ACYP2: variants seen among roughly 807,000 people sequenced by gnomAD.
The protein encoded by ACYP2 is acylphosphatase 2.
A neutral mutation model predicts 11.2 loss-of-function variants in ACYP2; 12 were observed. That is an observed-to-expected ratio of 1.08 (90% CI 0.69 to 1.74). ACYP2 has a LOEUF of 1.74. Ranked by LOEUF, ACYP2 falls within the 40% of genes most tolerant of loss-of-function variation. The probability of loss-of-function intolerance (pLI) is 0.00; values close to 1 mark genes in which losing one functional copy is unlikely to be tolerated. For missense variants in ACYP2, 134 were observed against 101.9 expected (o/e 1.31, Z -1.35); for synonymous variants, 43 against 32.2 (o/e 1.33, Z -1.13).
At chr2:54,162,132 T>C (rs1682743426) in intron 6 of ACYP2, among the ~76,000 whole-genome samples, 1 of 152,222 alleles carries the variant, frequency 6.6e-6, no homozygotes. Flanking sequence ...TTGTATTTTA[T>C]CTCACAGTAT....
At chr2:53,972,416 C>G (rs982367483) in intron 1 of ACYP2, among the ~76,000 whole-genome samples, 3 of 151,294 alleles carry the variant, frequency 2.0e-5, no homozygotes, top group Admixed American at 6.6e-5. Flanking sequence ...ACCATCCTGG[C>G]TAACATGGTG....
At chr2:54,191,830 G>A (rs1023576503) in intron 6 of ACYP2, among the ~76,000 whole-genome samples, 7 of 152,038 alleles carry the variant, frequency 4.6e-5, no homozygotes, top group Non-Finnish European at 1.0e-4. Flanking sequence ...TTCTTAGCAT[G>A]GATCAATATG....
chr2:54,266,374 C>A (rs1688017553), intron 6 of ACYP2, among the ~76,000 whole-genome samples: 1 of 152,012 alleles, frequency 6.6e-6, no homozygotes, highest in Non-Finnish European at 1.5e-5. Context: ...CAAAAGCATT[C>A]TTGGGACAGT....
chr2:54,263,942 A>G lies in ACYP2; in HGVS notation c.405-40746A>G, dbSNP rs1256695093. On this transcript the variant is annotated intron_variant, in intron 6 of 6. Transcript: ENST00000607452. ...AGCACAGGAAGAGCAGTAAGTGCCT[A>G]TTTATTGACCACCTTTTGTGTGTCA... Among the ~76,000 whole-genome samples the G allele has an allele frequency of 2.0e-5, 3 of 152,168 alleles. No homozygotes were observed. The East Asian group carries it at 5.8e-4, about 29-fold the overall frequency.
chr2:54,069,020 A>G (rs1438110250), intron 4 of ACYP2, among the ~76,000 whole-genome samples: 1 of 152,024 alleles, frequency 6.6e-6, no homozygotes, highest in Non-Finnish European at 1.5e-5. Context: ...TCAAGCTCCT[A>G]GGCTCAAGCA....
intron 4 of ACYP2, among the ~76,000 whole-genome samples, chr2:54,061,010 T>C (rs537993503): frequency 3.0e-4 from 46 of 152,208 alleles, no homozygotes; most frequent in African/African-American, 1.1e-3. Flanking sequence ...CTGCCATATA[T>C]ATTTTAATTA....
intron 6 of ACYP2, among the ~76,000 whole-genome samples, chr2:54,205,786 A>G (rs1432017971): frequency 1.3e-5 from 2 of 152,140 alleles, no homozygotes; most frequent in Admixed American, 6.5e-5. Flanking sequence ...TTTAGTCTAC[A>G]CAGATTTACC....
intron 6 of ACYP2, among the ~76,000 whole-genome samples, chr2:54,180,567 C>G (rs1166772201): frequency 6.6e-6 from 1 of 152,062 alleles, no homozygotes; most frequent in African/African-American, 2.4e-5. Flanking sequence ...GGTTTTCTTT[C>G]TTTTTGAGAC....
chr2:54,177,688 GT>G (rs1290688032), intron 6 of ACYP2, among the ~76,000 whole-genome samples: 1 of 147,960 alleles, frequency 6.8e-6, no homozygotes, highest in African/African-American at 2.5e-5. Context: ...AGTGATGTTT[GT>G]GTCTCAGCCT....
chr2:54,220,781 G>A (rs545686897), intron 6 of ACYP2, among the ~76,000 whole-genome samples: 11 of 152,242 alleles, frequency 7.2e-5, no homozygotes, highest in African/African-American at 2.6e-4. Context: ...TAAAATTAGT[G>A]CCTTGTGTCT....
chr2:54,244,297 G>T (rs1686856146), intron 6 of ACYP2, among the ~76,000 whole-genome samples: 1 of 152,160 alleles, frequency 6.6e-6, no homozygotes, highest in Admixed American at 6.5e-5. Flanking sequence ...CGCCTCCTGG[G>T]TTCAAGCAAT....
At chr2:54,197,259 G>C (rs1300829113) in intron 6 of ACYP2, among the ~76,000 whole-genome samples, 1 of 152,126 alleles carries the variant, frequency 6.6e-6, no homozygotes, top group Non-Finnish European at 1.5e-5. Context: ...GGGTCACCCA[G>C]GGCACTGTAT....
chr2:54,009,538 C>T (rs1475885524), intron 2 of ACYP2, among the ~76,000 whole-genome samples: 1 of 152,140 alleles, frequency 6.6e-6, no homozygotes, highest in African/African-American at 2.4e-5. Context: ...TGCATCACTG[C>T]ACGCCAGCCT....
At chr2:53,995,744 C>T (rs1427074997) in intron 2 of ACYP2, among the ~76,000 whole-genome samples, 1 of 151,980 alleles carries the variant, frequency 6.6e-6, no homozygotes, top group South Asian at 2.1e-4. Context: ...TGAGCCAGCT[C>T]GCCTGGCCTC....
chr2:54,251,103 G>A (rs1687204174), intron 6 of ACYP2, among the ~76,000 whole-genome samples: 1 of 152,156 alleles, frequency 6.6e-6, no homozygotes, highest in Admixed American at 6.5e-5. Flanking sequence ...TATTAAAGAG[G>A]TGTTTATAAC....
At chr2:54,303,429 C>G (rs980407322) in intron 6 of ACYP2, among the ~76,000 whole-genome samples, 1 of 152,092 alleles carries the variant, frequency 6.6e-6, no homozygotes, top group Non-Finnish European at 1.5e-5. Context: ...CGTCAGTTTT[C>G]TAGGAGGTTT....
chr2:54,234,962 T>C (rs543523547), intron 6 of ACYP2, among the ~76,000 whole-genome samples: 1 of 152,324 alleles, frequency 6.6e-6, no homozygotes, highest in African/African-American at 2.4e-5. Context: ...TGCCTCAAAC[T>C]AGATCCTGTT....
intron 6 of ACYP2, among the ~76,000 whole-genome samples, chr2:54,250,485 G>A (rs1002510124): frequency 6.6e-6 from 1 of 151,210 alleles, no homozygotes; most frequent in Non-Finnish European, 1.5e-5. Context: ...GGTGGGGGGG[G>A]CGTTGAAAGT....
At chr2:54,208,852 C>T (rs1218618899) in intron 6 of ACYP2, among the ~76,000 whole-genome samples, 1 of 151,572 alleles carries the variant, frequency 6.6e-6, no homozygotes. Context: ...TCCTCATACC[C>T]AATTGTGTGA....
Sources: allele counts gnomAD v4.1 joint callset (sites outside exome capture counted in the v4.1 genomes callset), GRCh38; gene constraint gnomAD v4.1.1; transcripts MANE v1.5; gene names NCBI Gene and HGNC (gene_info 2026-07-23, HGNC 2026-07-21).